Variants in B3GAT1 observed in about 807,000 individuals in gnomAD.
The protein encoded by B3GAT1 is beta-1,3-glucuronyltransferase 1.
Under a neutral mutation model 28.4 loss-of-function variants are expected in B3GAT1, and 11 were observed. The ratio of observed to expected loss-of-function variants is 0.39; its 90% CI spans 0.24 to 0.64. The LOEUF (loss-of-function observed/expected upper bound fraction) is 0.64. Ranked by LOEUF, B3GAT1 falls within the 30% of genes least tolerant of loss-of-function variation. B3GAT1 has a pLI of 0.50. For missense variants in B3GAT1, 375 were observed against 491.0 expected, an observed-to-expected ratio of 0.76 and a Z score of 2.23; for synonymous variants, 255 against 223.1, an observed-to-expected ratio of 1.14 and a Z score of -1.27.
At chr11:134,407,468 G>C (rs1268842681) in intron 1 of B3GAT1, among the ~76,000 whole-genome samples, 1 of 152,240 alleles carries the variant, frequency 6.6e-6, no homozygotes, top group Non-Finnish European at 1.5e-5. Context: ...TATGAGAAGA[G>C]AGAGCTCCTG....
rs1385862375 is a variant in B3GAT1 at position 134,393,788 on chromosome 11, T to C, written c.-281-5848A>G. ...CATCACACGGCGCCGGTCAGTGTGCTGTGCGGACCGGGTGCAGGACACCAA... is the reference window on the plus strand; with the variant it reads ...CATCACACGGCGCCGGTCAGTGTGCCGTGCGGACCGGGTGCAGGACACCAA... On this transcript the variant is annotated intron_variant, in intron 1 of 5. Coordinates refer to ENST00000312527, the MANE Select transcript of B3GAT1 (RefSeq NM_054025.3). This position sits in a 1 kb window ranked among gnomAD's most constrained non-coding sequence, Gnocchi z 4.0. Among the ~76,000 whole-genome samples the C allele has an allele frequency of 6.6e-6, 1 of 152,166 alleles. No homozygotes were observed. The highest frequency in any genetic ancestry group is 1.5e-5 in the Non-Finnish European group (1 of 68,022).
intron 1 of B3GAT1, among the ~76,000 whole-genome samples, chr11:134,405,744 G>T (rs985488494): frequency 9.7e-5 from 12 of 124,016 alleles, no homozygotes; most frequent in Non-Finnish European, 1.6e-4. Context: ...ACAGGAGCAG[G>T]GCTGCTCTGG....
rs1293796216 is a variant in B3GAT1 at position 134,412,069 on chromosome 11, G to C, written c.-544C>G. Among the ~76,000 whole-genome samples the C allele has an allele frequency of 6.2e-5, 9 of 145,636 alleles. No individual in the cohort carries two copies. Among genetic ancestry groups the C allele is most frequent in the Admixed American group, 4.8e-4 (7 of 14,734 alleles). ...GAAGGCTGGGAGCGCGCGGGAGGGA[G>C]GGCGCGGGCAGGGAGGCGGGGGGCG... On this transcript the variant is annotated 5_prime_UTR_variant, in exon 1 of 6. Transcript: ENST00000312527.
At chr11:134,407,872 T>C (rs183991042) in intron 1 of B3GAT1, among the ~76,000 whole-genome samples, 37 of 152,212 alleles carry the variant, frequency 2.4e-4, no homozygotes, top group African/African-American at 8.7e-4. Context: ...GCTTGGTCAG[T>C]GTTGGTGCAA....
intron 2 of B3GAT1, chr11:134,385,979 G>A (rs183731248): frequency 3.9e-5 from 6 of 152,358 alleles, no homozygotes; most frequent in African/African-American, 9.6e-5. Context: ...CAATCGACAC[G>A]ATATCATGTC....
Position 134,383,754 on chromosome 11 carries a change from G to C in B3GAT1, c.547C>G (p.Arg183Gly). 1 of 1,596,294 alleles carries C rather than the reference G, an allele frequency of 6.3e-7. No individual in the cohort carries two copies. The highest frequency in any genetic ancestry group is 1.7e-4 in the Middle Eastern group (1 of 6,024). The change falls in exon 3 of 6, where the codon CGC becomes GGC. Residue 183 changes from arginine to glycine, a missense_variant. Transcript: ENST00000312527. ...ALRWLRETFP[R>G]NSSQPGVVYF... ...ACCACGCCAGGCTGGCTGGAGTTGC[G>C]CGGGAAGGTCTCGCGCAGCCAGCGC...
chr11:134,396,656 A>G (rs1247677598), intron 1 of B3GAT1, among the ~76,000 whole-genome samples: 1 of 152,010 alleles, frequency 6.6e-6, no homozygotes. Flanking sequence ...CGTCTGCCAC[A>G]TAGTTGGGCC....
intron 1 of B3GAT1, chr11:134,390,431 C>T (rs983704766): frequency 6.6e-6 from 1 of 152,234 alleles, no homozygotes; most frequent in Admixed American, 6.5e-5. Context: ...CAGAGACTCT[C>T]GAAGGAGCTT....
chr11:134,391,256 A>G (rs11223780), intron 1 of B3GAT1: 25,356 of 152,232 alleles, frequency 0.17, 2,383 homozygotes, highest in African/African-American at 0.25. Context: ...ATTACCAGGC[A>G]GTTATCAAGC....
At chr11:134,381,690 C>G in intron 5 of B3GAT1, 1 of 510,254 alleles carries the variant, frequency 2.0e-6, no homozygotes, top group Non-Finnish European at 3.5e-6. Flanking sequence ...GAAGGTGACA[C>G]CCTCTGAAGA....
intron 1 of B3GAT1, among the ~76,000 whole-genome samples, chr11:134,400,292 T>C (rs1279689321): frequency 6.6e-6 from 1 of 152,168 alleles, no homozygotes; most frequent in Non-Finnish European, 1.5e-5. Context: ...CGGGGGCGCC[T>C]GGTCTTACTC....
intron 3 of B3GAT1, 112 bp from the exon 4 acceptor site, chr11:134,383,118 C>G: frequency 8.1e-7 from 1 of 1,234,892 alleles, no homozygotes; most frequent in Non-Finnish European, 1.1e-6. Context: ...CATGGCCAGC[C>G]GCGGCCACCT....
intron 5 of B3GAT1, chr11:134,381,629 C>A (rs954998205): frequency 2.8e-6 from 1 of 355,472 alleles, no homozygotes; most frequent in Non-Finnish European, 5.3e-6. Flanking sequence ...AATGGCAGTG[C>A]CTTGTGGGGT....
chr11:134,387,402 G>A lies in B3GAT1; in HGVS notation c.112+146C>T, dbSNP rs1013553426. ...TTCCATTAGCTTCCCATTCCCAAAG[G>A]GGTGCAAGACTCATGAAGGGGCCTA... On this transcript the variant is annotated intron_variant, in intron 2 of 5. Transcript: ENST00000312527. 36 of 1,069,944 alleles carry A rather than the reference G, an allele frequency of 3.4e-5. No individual in the cohort carries two copies. In the African/African-American group the frequency reaches 5.1e-4, roughly 15 times the overall value. 66.3% of individuals were successfully genotyped at this position (1,069,944 alleles called of 1,614,324 possible).
intron 1 of B3GAT1, among the ~76,000 whole-genome samples, chr11:134,401,821 C>T (rs993393310): frequency 1.3e-5 from 2 of 152,278 alleles, no homozygotes; most frequent in East Asian, 3.9e-4. Context: ...GGCACCTTGG[C>T]CCCTTCCTCA....
At chr11:134,381,444 G>A (rs890686145) in intron 5 of B3GAT1, among the ~76,000 whole-genome samples, 12 of 152,240 alleles carry the variant, frequency 7.9e-5, no homozygotes, top group Non-Finnish European at 1.5e-4. Flanking sequence ...GGTCCTGGGA[G>A]CTGAGGTGGG....
At chr11:134,401,175 T>C (rs150810111) in intron 1 of B3GAT1, among the ~76,000 whole-genome samples, 1 of 152,234 alleles carries the variant, frequency 6.6e-6, no homozygotes, top group Non-Finnish European at 1.5e-5. Context: ...CTGTGGAATG[T>C]GGTTTGGAGG....
In B3GAT1 at chr11:134,383,018, G is replaced by A. The variant is rs529740294; in HGVS notation, c.622-12C>T. The A allele has an allele frequency of 1.3e-6, 2 of 1,537,314 alleles. No homozygotes were observed. The highest frequency in any genetic ancestry group is 1.4e-5 in the African/African-American group (1 of 73,250). Reference sequence around the variant, plus strand: ...CTGGTGCTGCGCATCTACAAGGGGGGGGTCCAGAGTCAGGGCGCCGGCACT... The same window carrying A: ...CTGGTGCTGCGCATCTACAAGGGGGAGGTCCAGAGTCAGGGCGCCGGCACT... On this transcript the variant is annotated splice_polypyrimidine_tract_variant and intron_variant, in intron 3 of 5. Coordinates refer to ENST00000312527, the MANE Select transcript of B3GAT1 (RefSeq NM_054025.3).
At chr11:134,410,133 G>A (rs994789657) in intron 1 of B3GAT1, among the ~76,000 whole-genome samples, 17 of 152,222 alleles carry the variant, frequency 1.1e-4, no homozygotes, top group African/African-American at 4.1e-4. Context: ...GCATCCTCCT[G>A]TGAAGCTCCT....
Sources: allele counts gnomAD v4.1 joint callset (sites outside exome capture counted in the v4.1 genomes callset), GRCh38; gene constraint gnomAD v4.1.1; non-coding constraint Gnocchi (gnomAD v3.1); transcripts MANE v1.5; gene names NCBI Gene and HGNC (gene_info 2026-07-23, HGNC 2026-07-21).